NBEA: variants seen among roughly 807,000 people sequenced by gnomAD.
NBEA encodes neurobeachin.
NBEA carries 44 observed loss-of-function variants against 343.4 expected under a neutral mutation model. The observed-to-expected ratio is 0.13, with a 90% CI of 0.10 to 0.16. The LOEUF is 0.16. Ranked by LOEUF, NBEA falls within the 10% of genes least tolerant of loss-of-function variation. The probability of loss-of-function intolerance (pLI) is 1.00; values close to 1 mark genes in which losing one functional copy is unlikely to be tolerated. For missense variants in NBEA, 2,555 were observed against 3,631.3 expected (o/e 0.70, Z 7.62); for synonymous variants, 1,175 against 1,238.7 (o/e 0.95, Z 1.08).
intron 2 of NBEA, among the ~76,000 whole-genome samples, chr13:35,042,702 CTT>C (rs2062699052): frequency 6.6e-6 from 1 of 151,660 alleles, no homozygotes; most frequent in Admixed American, 6.6e-5. Flanking sequence ...AAATTTTTCA[CTT>C]TTTGTAATTT....
intron 41 of NBEA, among the ~76,000 whole-genome samples, chr13:35,513,016 GT>G (rs577660752): frequency 6.6e-6 from 1 of 151,870 alleles, no homozygotes; most frequent in Non-Finnish European, 1.5e-5. Context: ...TACTATACAG[GT>G]TTTTTTAAAA....
At chr13:34,983,157 GCTATA>G (rs2060416968) in intron 1 of NBEA, among the ~76,000 whole-genome samples, 1 of 152,064 alleles carries the variant, frequency 6.6e-6, no homozygotes, top group Non-Finnish European at 1.5e-5. Context: ...TTCTCCTAAT[GCTATA>G]CCTCCCCCTG....
rs775053482 is a variant in NBEA, at chr13:35,585,131, T to TAAA, written c.7176+1102_7176+1104dup. Among the ~76,000 whole-genome samples, 13 of 71,448 alleles carry TAAA rather than the reference T, an allele frequency of 1.8e-4. 1 individual carries two copies. Among genetic ancestry groups the TAAA allele is most frequent in the Non-Finnish European group, 2.6e-4 (11 of 41,688 alleles). The allele number at this position is 71,448 out of a possible 152,430, so 46.9% of individuals were successfully genotyped here. Reference sequence around the variant, plus strand: ...AAATATATTTAAGTCTCACTGACCTTAAAAAAAAAAAGCCTCCTGCCAGCC... The same window carrying TAAA: ...AAATATATTTAAGTCTCACTGACCTTAAAAAAAAAAAAAAGCCTCCTGCCAGCC... On this transcript the variant is annotated intron_variant, in intron 46 of 58. Transcript: ENST00000379939.
At chr13:35,128,819 G>T (rs1234323334) in intron 17 of NBEA, among the ~76,000 whole-genome samples, 1 of 152,120 alleles carries the variant, frequency 6.6e-6, no homozygotes. Flanking sequence ...TATACAAAGA[G>T]ATTTTGAGAT....
At chr13:35,152,573 T>G (rs964703215) in intron 18 of NBEA, among the ~76,000 whole-genome samples, 5 of 152,218 alleles carry the variant, frequency 3.3e-5, no homozygotes, top group African/African-American at 1.2e-4. Context: ...CAGTAGCCCC[T>G]GCTTCAGCCT....
At chr13:35,005,753 G>C (rs1227107481) in intron 1 of NBEA, among the ~76,000 whole-genome samples, 2 of 152,196 alleles carry the variant, frequency 1.3e-5, no homozygotes, top group Non-Finnish European at 2.9e-5. Context: ...TAGCTTACCA[G>C]AGGAAGTGAC....
chr13:35,497,003 T>C (rs1433567333), intron 41 of NBEA, among the ~76,000 whole-genome samples: 1 of 152,080 alleles, frequency 6.6e-6, no homozygotes, highest in African/African-American at 2.4e-5. Flanking sequence ...TTCTCCTAAG[T>C]CTATGCTTCA....
chr13:35,158,170 A>G (rs2069307845), intron 21 of NBEA, among the ~76,000 whole-genome samples: 1 of 152,032 alleles, frequency 6.6e-6, no homozygotes, highest in African/African-American at 2.4e-5. Context: ...CACTTTTGGG[A>G]CTTGCTTTCT....
chr13:34,949,434 C>A (rs745771723), intron 1 of NBEA, among the ~76,000 whole-genome samples: 2 of 152,198 alleles, frequency 1.3e-5, no homozygotes, highest in Non-Finnish European at 2.9e-5. Context: ...TAAACAAAGG[C>A]CTGCATTCTT....
intron 29 of NBEA, among the ~76,000 whole-genome samples, chr13:35,183,292 C>A (rs573496505): frequency 3.1e-4 from 47 of 151,998 alleles, no homozygotes; most frequent in African/African-American, 1.1e-3. Flanking sequence ...GCAGTGAAAC[C>A]TTGATAACCT....
chr13:35,290,306 A>T (rs368566851), intron 34 of NBEA, 83 bp from the exon 35 acceptor site: 2 of 892,464 alleles, frequency 2.2e-6, no homozygotes, highest in East Asian at 5.3e-5. Flanking sequence ...TTTTTTATAA[A>T]TTAAAATTAT....
In NBEA at chr13:35,058,752, T is replaced by G. The variant is rs2063357241; in HGVS notation, c.1128T>G (p.Thr376=). ...AGTGCTTTCTTGGATCATCAGAAACTGCTGATGCAAATAGGGTATTCTGTG... is the reference window on the plus strand; with the variant it reads ...AGTGCTTTCTTGGATCATCAGAAACGGCTGATGCAAATAGGGTATTCTGTG... The part of the protein sequence containing the change: ...YDKCFLGSSE[T]ADANRVFCGQ... The change falls in exon 8 of 59, where the codon ACT becomes ACG. Residue 376 remains threonine, a synonymous_variant. Coordinates refer to ENST00000379939, the MANE Select transcript of NBEA (RefSeq NM_001385012.1). 5 of 1,591,896 alleles carry G rather than the reference T, an allele frequency of 3.1e-6. No individual in the cohort carries two copies. The East Asian group carries it at 1.1e-4, about 36-fold the overall frequency.
intron 23 of NBEA, among the ~76,000 whole-genome samples, chr13:35,163,041 A>C (rs1272365190): frequency 6.6e-6 from 1 of 152,168 alleles, no homozygotes; most frequent in Non-Finnish European, 1.5e-5. Context: ...CATGAAGACC[A>C]ATGTATGGAG....
Position 35,345,748 on chromosome 13 carries a change from A to AG in NBEA, c.5904-3360_5904-3359insG, listed in dbSNP as rs555526978. Among the ~76,000 whole-genome samples the AG allele has an allele frequency of 2.6e-3, 402 of 152,150 alleles. 8 individuals are homozygous for AG. The highest frequency in any genetic ancestry group is 6.8e-3 in the Middle Eastern group (2 of 294). On this transcript the variant is annotated intron_variant, in intron 36 of 58. Coordinates refer to ENST00000379939, the MANE Select transcript of NBEA (RefSeq NM_001385012.1). ...CCCAGATGGATGCAAAAGGAAGTGA[A>AG]TTATTAAGCAGAAGAGGAAAGAGAG...
At chr13:35,231,148 C>T (rs2152769543) in intron 33 of NBEA, among the ~76,000 whole-genome samples, 1 of 152,172 alleles carries the variant, frequency 6.6e-6, no homozygotes, top group Non-Finnish European at 1.5e-5. Context: ...TCCATGGTTT[C>T]TCCTTTCTCT....
intron 1 of NBEA, among the ~76,000 whole-genome samples, chr13:35,005,076 A>G (rs972376851): frequency 3.3e-5 from 5 of 152,158 alleles, no homozygotes; most frequent in Non-Finnish European, 7.4e-5. Flanking sequence ...TACATGTGAA[A>G]TGGTAAACTG....
intron 5 of NBEA, 137 bp downstream of exon 5, chr13:35,048,821 AATCAGTTTT>A (rs1384467804): frequency 6.1e-6 from 3 of 494,392 alleles, no homozygotes; most frequent in African/African-American, 5.9e-5. Flanking sequence ...AGACACTGTA[AATCAGTTTT>A]ATTTATGTAT....
At chr13:35,005,234 G>A (rs560293454) in intron 1 of NBEA, among the ~76,000 whole-genome samples, 2 of 142,186 alleles carry the variant, frequency 1.4e-5, no homozygotes, top group South Asian at 4.5e-4. Flanking sequence ...TTTTTTTTCT[G>A]ACCATGATAA....
At chr13:35,515,127 A>G (rs985772705) in intron 41 of NBEA, among the ~76,000 whole-genome samples, 2 of 152,238 alleles carry the variant, frequency 1.3e-5, no homozygotes, top group African/African-American at 2.4e-5. Context: ...AATCTGTAAC[A>G]TATTATTAAG....
Sources: allele counts gnomAD v4.1 joint callset (sites outside exome capture counted in the v4.1 genomes callset), GRCh38; gene constraint gnomAD v4.1.1; transcripts MANE v1.5; gene names NCBI Gene and HGNC (gene_info 2026-07-23, HGNC 2026-07-21).